The following KDM3A variants were observed in gnomAD, a reference collection of about 807,000 sequenced individuals.
KDM3A encodes lysine-specific demethylase 3A.
A neutral mutation model predicts 158.0 loss-of-function variants in KDM3A; 60 were observed. That is an observed-to-expected ratio of 0.38 (90% confidence interval 0.31 to 0.47). The LOEUF (loss-of-function observed/expected upper bound fraction) is 0.47. KDM3A is among the 20% of genes least tolerant of loss of function. The pLI is 0.99. For synonymous variants in KDM3A, 608 were observed against 549.3 expected (o/e 1.11, Z -1.49); for missense variants, 1,319 against 1,574.3 (o/e 0.84, Z 2.74).
chr2:86,489,213 A>G (rs1379274860), intron 21 of KDM3A, 105 bp from the exon 22 acceptor site: 2 of 1,268,252 alleles, frequency 1.6e-6, no homozygotes, highest in African/African-American at 3.0e-5. Context: ...TTTTATTCTC[A>G]GCAGAAGAGT....
chr2:86,445,363 C>T (rs542349661), intron 2 of KDM3A, among the ~76,000 whole-genome samples: 15 of 152,320 alleles, frequency 9.8e-5, no homozygotes, highest in South Asian at 4.1e-4. Flanking sequence ...CTGCTTTAAT[C>T]TTATTTTTAT....
At chr2:86,479,712 C>CT (rs1217769322) in intron 15 of KDM3A, 1 of 152,996 alleles carries the variant, frequency 6.5e-6, no homozygotes, top group African/African-American at 2.4e-5. Context: ...ATTTTTAAAG[C>CT]TAAGTCAAAA....
chr2:86,456,596 A>G (rs1443807192), intron 6 of KDM3A, 30 bp downstream of exon 6: 2 of 1,586,368 alleles, frequency 1.3e-6, no homozygotes, highest in Non-Finnish European at 8.6e-7. Context: ...TTTGTAAGAT[A>G]ACTCGACAAA....
intron 2 of KDM3A, among the ~76,000 whole-genome samples, chr2:86,443,905 G>C (rs759671183): frequency 9.9e-5 from 15 of 152,142 alleles, no homozygotes; most frequent in Non-Finnish European, 8.8e-5. Context: ...GCTTGTTGTG[G>C]TTTATTTCGC....
Position 86,442,215 on chromosome 2 carries a change from T to C in KDM3A, c.168T>C (p.Val56=), listed in dbSNP as rs1182188847. The stretch of plus-strand genomic sequence containing the variant: ...TTCGAGCTGTTTCCCACACCGACGT[T>C]ACCAAGAAGGATCTGAAGGTACAGG... ...GTIRAVSHTD[V]TKKDLKVCVE... is the part of the protein sequence containing the mutation. Residue 56 remains valine, a synonymous_variant, in exon 2 of 26, where the codon GTT becomes GTC. Coordinates refer to ENST00000312912, the MANE Select transcript of KDM3A (RefSeq NM_018433.6). The C allele has an allele frequency of 5.6e-6, 9 of 1,610,930 alleles. No individual in the cohort carries two copies. In the African/African-American group the frequency reaches 1.2e-4, roughly 22 times the overall value.
chr2:86,461,558 A>G (rs527984607), intron 8 of KDM3A, among the ~76,000 whole-genome samples: 2 of 152,336 alleles, frequency 1.3e-5, no homozygotes, highest in East Asian at 1.9e-4. Context: ...GCCTCTGCCC[A>G]TAAACAGTGT....
intron 21 of KDM3A, among the ~76,000 whole-genome samples, chr2:86,486,246 C>A (rs1416442480): frequency 6.6e-6 from 1 of 152,190 alleles, no homozygotes; most frequent in Admixed American, 6.5e-5. Flanking sequence ...GTCTTAACAT[C>A]TGCTACAATT....
intron 8 of KDM3A, among the ~76,000 whole-genome samples, chr2:86,463,468 A>G (rs572267062): frequency 2.0e-5 from 3 of 152,216 alleles, no homozygotes; most frequent in South Asian, 4.1e-4. Flanking sequence ...AGGTGTCCCA[A>G]CTTTGCCCAC....
chr2:86,456,357 T>C (rs1672693547), intron 5 of KDM3A, 85 bp from the exon 6 acceptor site: 1 of 994,902 alleles, frequency 1.0e-6, no homozygotes, highest in South Asian at 2.0e-5. Context: ...TAAAAAAGAC[T>C]TAGGAAAAGA....
chr2:86,482,555 A>G lies in KDM3A; in HGVS notation c.2783A>G (p.Gln928Arg). The change falls in exon 18 of 26, where the codon CAA (glutamine) becomes CGA (arginine). Residue 928 changes from glutamine to arginine, a missense_variant. Physicochemically the swap from Gln to Arg is conservative, Grantham distance 43 (BLOSUM62 1). This residue lies in a region of KDM3A where 368 missense variants were observed against 415.8 expected (regional missense o/e 0.89). Transcript: ENST00000312912. Reference protein sequence around the residue: ...KTTSDLSKRPQGLTIKPSILG... With the variant: ...KTTSDLSKRPRGLTIKPSILG... The stretch of plus-strand genomic sequence containing the variant: ...ACTTCTGATTTATCTAAGAGGCCTC[A>G]AGGACTAACCATCAAGCCCAGCATT... The G allele has an allele frequency of 6.2e-7, 1 of 1,614,170 alleles. No individual in the cohort carries two copies. Among genetic ancestry groups the G allele is most frequent in the Non-Finnish European group, 8.5e-7 (1 of 1,180,014 alleles).
chr2:86,460,024 T>C (rs966836474), intron 8 of KDM3A, among the ~76,000 whole-genome samples: 2 of 152,196 alleles, frequency 1.3e-5, no homozygotes, highest in African/African-American at 4.8e-5. Context: ...TTCTTGAAAA[T>C]ATTTTTTTGA....
chr2:86,456,589 G>A (rs1672708063), intron 6 of KDM3A, 23 bp downstream of exon 6: 12 of 1,594,242 alleles, frequency 7.5e-6, no homozygotes, highest in Non-Finnish European at 1.7e-6. Flanking sequence ...ATAACTCTTT[G>A]TAAGATAACT....
At chr2:86,467,056 A>G (rs1238328677) in intron 10 of KDM3A, among the ~76,000 whole-genome samples, 173 bp downstream of exon 10, 1 of 152,196 alleles carries the variant, frequency 6.6e-6, no homozygotes, top group African/African-American at 2.4e-5. Context: ...TACTGTTAAT[A>G]TTTTGGTGTA....
rs1558617070 is a variant in KDM3A, at chr2:86,466,465, G to A, written c.1101G>A (p.Gly367=). 6.2e-7 allele frequency: 1 copy of A among 1,613,902 alleles called. No individual in the cohort carries two copies. Among genetic ancestry groups the A allele is most frequent in the Non-Finnish European group, 8.5e-7 (1 of 1,179,834 alleles). Residue 367 remains glycine (G), a synonymous_variant, in exon 10 of 26, where the codon GGG becomes GGA. Coordinates refer to ENST00000312912, the MANE Select transcript of KDM3A (RefSeq NM_018433.6). ...CAAAACCAGATGTCTGCAAAGCAGG[G>A]TTGCTCTCAAAGTCCTCTCAGATTG... ...LRTKPDVCKA[G]LLSKSSQIGT... is the part of the protein sequence containing the mutation.
Position 86,471,600 on chromosome 2 carries a change from C to A in KDM3A, c.1724+1192C>A, listed in dbSNP as rs113537460. On this transcript the variant is annotated intron_variant, in intron 11 of 25. Transcript: ENST00000312912. Reference sequence around the variant, plus strand: ...GTTGATTTCAATTCCTATTCTCCTCCTCCCTTTTCATTTTATCTAAGTTAA... The same window carrying A: ...GTTGATTTCAATTCCTATTCTCCTCATCCCTTTTCATTTTATCTAAGTTAA... 8.9e-3 allele frequency among the ~76,000 whole-genome samples: 1,349 copies of A among 152,186 alleles called. 18 individuals carry two copies. The highest frequency in any genetic ancestry group is 0.015 in the Non-Finnish European group (1,014 of 68,000).
At chr2:86,482,731 A>G in intron 18 of KDM3A, 37 bp downstream of exon 18, 1 of 1,602,648 alleles carries the variant, frequency 6.2e-7, no homozygotes, top group Non-Finnish European at 8.5e-7. Context: ...CCTATTCAGA[A>G]CCCCCTTCTC....
At chr2:86,450,737 T>A (rs1324788841) in intron 3 of KDM3A, among the ~76,000 whole-genome samples, 9 of 152,282 alleles carry the variant, frequency 5.9e-5, no homozygotes, top group Middle Eastern at 3.4e-3. Flanking sequence ...GGGTTGTGGT[T>A]AAAGTTTTAT....
intron 2 of KDM3A, 84 bp from the exon 3 acceptor site, chr2:86,449,723 A>C: frequency 7.2e-7 from 1 of 1,382,806 alleles, no homozygotes; most frequent in Non-Finnish European, 9.8e-7. Context: ...AGAATAATGA[A>C]GGTATAGTTC....
chr2:86,454,567 G>A (rs901548793), intron 4 of KDM3A, among the ~76,000 whole-genome samples: 2 of 152,088 alleles, frequency 1.3e-5, no homozygotes, highest in African/African-American at 4.8e-5. Context: ...ACCCCTGCTA[G>A]TAGGTTACAC....
Sources: gnomAD v4.1 joint callset for allele counts (sites outside exome capture counted in the v4.1 genomes callset) on GRCh38, gnomAD v4.1.1 for gene constraint, gnomAD v4.1.1 regional missense constraint, MANE v1.5 for transcripts, NCBI Gene and HGNC (gene_info 2026-07-23, HGNC 2026-07-21) for gene names.